The following FAM135B variants were observed in gnomAD, a reference collection of about 807,000 sequenced individuals.
The protein encoded by FAM135B is protein FAM135B.
In FAM135B, 43 loss-of-function variants were observed where a neutral mutation model predicts 127.7. The observed-to-expected ratio is 0.34, with a 90% CI of 0.26 to 0.43. The LOEUF (loss-of-function observed/expected upper bound fraction) is 0.43, where lower values mean the gene tolerates loss of function less well. FAM135B is among the 20% of genes least tolerant of loss of function. The probability of loss-of-function intolerance (pLI) is 1.00; values close to 1 mark genes in which losing one functional copy is unlikely to be tolerated. For missense variants in FAM135B, 1,558 were observed against 1,725.6 expected, an observed-to-expected ratio of 0.90 and a Z score of 1.72; for synonymous variants, 670 against 665.1, an observed-to-expected ratio of 1.01 and a Z score of -0.11.
chr8:138,295,276 G>A (rs1293998592), intron 3 of FAM135B, among the ~76,000 whole-genome samples: 5 of 151,506 alleles, frequency 3.3e-5, no homozygotes, highest in Non-Finnish European at 7.4e-5. Context: ...GAAAGGCACT[G>A]GTCTGGGAAC....
intron 7 of FAM135B, among the ~76,000 whole-genome samples, chr8:138,222,639 GTTTT>G (rs1266888645): frequency 1.4e-5 from 2 of 147,998 alleles, no homozygotes; most frequent in Non-Finnish European, 3.0e-5. Flanking sequence ...ATGTGGTGGG[GTTTT>G]TTGTTTGTTT....
intron 1 of FAM135B, among the ~76,000 whole-genome samples, chr8:138,463,897 A>G (rs1837257259): frequency 1.3e-5 from 2 of 152,236 alleles, no homozygotes; most frequent in African/African-American, 4.8e-5. Flanking sequence ...AATTACCATT[A>G]TTAAAATAAC....
chr8:138,320,776 G>C (rs1827398215), intron 2 of FAM135B, among the ~76,000 whole-genome samples: 1 of 152,118 alleles, frequency 6.6e-6, no homozygotes, highest in Admixed American at 6.6e-5. Flanking sequence ...GCCAGGTGAA[G>C]GAATGAATAA....
At position 138,368,795 on chromosome 8, in the gene FAM135B, C is replaced by A. The variant is rs6981244; in HGVS notation, c.-19-793G>T. On this transcript the variant is annotated intron_variant, in intron 1 of 19. Transcript: ENST00000395297. ...GTCCAAGTCTAGGATGAGAAATAAA[C>A]CGAGAGGTACATTTAAAGCAGGTTG... is the stretch of plus-strand genomic sequence containing the variant. 8.9e-3 allele frequency among the ~76,000 whole-genome samples: 1,358 copies of A among 152,068 alleles called. 24 individuals are homozygous for A. Among genetic ancestry groups the A allele is most frequent in the African/African-American group, 0.031 (1,296 of 41,474 alleles).
At chr8:138,321,495 T>C (rs112353159) in intron 2 of FAM135B, among the ~76,000 whole-genome samples, 179 of 152,316 alleles carry the variant, frequency 1.2e-3, no homozygotes, top group Non-Finnish European at 1.9e-3. Context: ...GAAAATTATC[T>C]TTGAGACTTG....
At chr8:138,280,273 AG>A (rs1351533319) in intron 3 of FAM135B, among the ~76,000 whole-genome samples, 5 of 152,218 alleles carry the variant, frequency 3.3e-5, no homozygotes, top group Non-Finnish European at 7.3e-5. Context: ...GTGTCAGCCA[AG>A]GCTTAGCCCG....
intron 2 of FAM135B, among the ~76,000 whole-genome samples, chr8:138,313,535 CTTGT>C (rs757075849): frequency 1.1e-4 from 16 of 150,636 alleles, no homozygotes; most frequent in Admixed American, 1.3e-4. Flanking sequence ...TGTTTGTTTG[CTTGT>C]TTGTTTATTT....
intron 1 of FAM135B, among the ~76,000 whole-genome samples, chr8:138,423,310 A>T (rs1052503435): frequency 6.6e-6 from 1 of 152,176 alleles, no homozygotes; most frequent in Non-Finnish European, 1.5e-5. Flanking sequence ...CTACTTAGGG[A>T]GATATCGGGG....
intron 3 of FAM135B, among the ~76,000 whole-genome samples, chr8:138,279,921 T>G (rs906479949): frequency 3.0e-4 from 45 of 152,322 alleles, no homozygotes; most frequent in South Asian, 1.2e-3. Flanking sequence ...TGAGTGTTAG[T>G]CTGGGGAACT....
intron 9 of FAM135B, among the ~76,000 whole-genome samples, chr8:138,186,595 G>A (rs1004079440): frequency 3.9e-5 from 6 of 152,194 alleles, no homozygotes; most frequent in South Asian, 2.1e-4. Context: ...CAAGGAGTAG[G>A]CGGAAGCACA....
chr8:138,331,134 G>GC (rs1227330578), intron 2 of FAM135B, among the ~76,000 whole-genome samples: 1 of 152,092 alleles, frequency 6.6e-6, no homozygotes, highest in East Asian at 1.9e-4. Context: ...TGCCTCCCTG[G>GC]CATGCCACAT....
intron 3 of FAM135B, among the ~76,000 whole-genome samples, chr8:138,300,275 A>AG (rs1825789868): frequency 6.6e-6 from 1 of 151,212 alleles, no homozygotes; most frequent in Non-Finnish European, 1.5e-5. Context: ...TTAAAAAAAA[A>AG]AATCCACAAG....
At chr8:138,276,009 C>T (rs1250174086) in intron 3 of FAM135B, among the ~76,000 whole-genome samples, 3 of 152,174 alleles carry the variant, frequency 2.0e-5, no homozygotes, top group African/African-American at 7.2e-5. Flanking sequence ...GAGGCTGTCT[C>T]TATTTCCCGC....
chr8:138,149,647 C>CTCA lies in FAM135B; in HGVS notation c.3282-964_3282-962dup, dbSNP rs375306197. On this transcript the variant is annotated intron_variant, in intron 13 of 19. Coordinates refer to ENST00000395297, the MANE Select transcript of FAM135B (RefSeq NM_015912.4). ...TTTCTTGTTATTATCTGTTATTAGCCTCATCATCATCATCATCATCATCAC... is the reference window on the plus strand; with the variant it reads ...TTTCTTGTTATTATCTGTTATTAGCCTCATCATCATCATCATCATCATCATCAC... 2.1e-3 allele frequency among the ~76,000 whole-genome samples: 313 copies of CTCA among 151,752 alleles called. 1 individual carries two copies. Among genetic ancestry groups the CTCA allele is most frequent in the African/African-American group, 5.8e-3 (238 of 41,372 alleles).
At chr8:138,279,658 A>C (rs1028136586) in intron 3 of FAM135B, among the ~76,000 whole-genome samples, 1 of 152,224 alleles carries the variant, frequency 6.6e-6, no homozygotes, top group Non-Finnish European at 1.5e-5. Flanking sequence ...GCCCATCGTT[A>C]TTATTAAAAA....
chr8:138,172,848 T>C (rs1202460847), intron 11 of FAM135B, among the ~76,000 whole-genome samples: 3 of 152,228 alleles, frequency 2.0e-5, no homozygotes, highest in African/African-American at 7.2e-5. Context: ...TGCCTTTGCC[T>C]TTTCAAACTG....
rs1820970340 is a variant in FAM135B, at chr8:138,243,127, A to C, written c.543-59T>G. On this transcript the variant is annotated intron_variant, in intron 6 of 19. Coordinates refer to ENST00000395297, the MANE Select transcript of FAM135B (RefSeq NM_015912.4). The surrounding 1 kb of genome is among the most constrained non-coding windows in gnomAD (Gnocchi z 7.5). ...AGGTAAAGAAAGTGATGGTGCCATTAACTCAGCCCCTTTGAGGAGTGTTCC... is the reference window on the plus strand; with the variant it reads ...AGGTAAAGAAAGTGATGGTGCCATTCACTCAGCCCCTTTGAGGAGTGTTCC... 6.4e-7 allele frequency: 1 copy of C among 1,560,798 alleles called. No homozygotes were observed. The highest frequency in any genetic ancestry group is 8.7e-7 in the Non-Finnish European group (1 of 1,154,488).
At chr8:138,338,943 A>T (rs1587143499) in intron 2 of FAM135B, among the ~76,000 whole-genome samples, 1 of 152,190 alleles carries the variant, frequency 6.6e-6, no homozygotes, top group East Asian at 1.9e-4. Context: ...AAAAATGATG[A>T]GTTCATGTCC....
At chr8:138,470,178 TA>T (rs1365724684) in intron 1 of FAM135B, among the ~76,000 whole-genome samples, 1 of 152,100 alleles carries the variant, frequency 6.6e-6, no homozygotes, top group East Asian at 1.9e-4. Flanking sequence ...GCAGGAGCCC[TA>T]AGACAGGAGA....
Sources: gnomAD v4.1 joint callset for allele counts (sites outside exome capture counted in the v4.1 genomes callset) on GRCh38, gnomAD v4.1.1 for gene constraint, Gnocchi (gnomAD v3.1) non-coding constraint, MANE v1.5 for transcripts, NCBI Gene and HGNC (gene_info 2026-07-23, HGNC 2026-07-21) for gene names.